The following NDST4 variants were observed in gnomAD, a reference collection of about 807,000 sequenced individuals.
NDST4 encodes N-heparan sulfate sulfotransferase 4.
A neutral mutation model predicts 100.8 loss-of-function variants in NDST4; 63 were observed. That is an observed-to-expected ratio of 0.62 (90% CI 0.51 to 0.77). The LOEUF (loss-of-function observed/expected upper bound fraction) is 0.77. NDST4 is among the 30% of genes least tolerant of loss of function. The probability of loss-of-function intolerance (pLI) is 0.00; values close to 1 mark genes in which losing one functional copy is unlikely to be tolerated. For synonymous variants in NDST4, 377 were observed against 361.8 expected, an observed-to-expected ratio of 1.04 and a Z score of -0.48; for missense variants, 943 against 1,018.4, an observed-to-expected ratio of 0.93 and a Z score of 1.01.
rs747942559 is a variant in NDST4, at chr4:115,076,903, T to A, written c.134A>T (p.Glu45Val). The change falls in exon 2 of 14, where the codon GAA becomes GTA. Residue 45 changes from glutamate to valine, a missense_variant. By Grantham distance (121) the Glu-to-Val change is moderately radical. Around this residue, in one of 2 missense-constraint regions of NDST4, gnomAD observed 417 missense variants for 384.2 expected, o/e 1.09. Transcript: ENST00000264363. ...AGTGCATTCTGCTTCTGCAGTGGTT[T>A]CAATAAGTGTCATTTCCTGTTTGTA... ...SGYKQEMTLI[E>V]TTAEAECTDI... is the part of the protein sequence containing the mutation. The A allele has an allele frequency of 6.2e-7, 1 of 1,613,678 alleles. No individual in the cohort carries two copies. The highest frequency in any genetic ancestry group is 1.3e-5 in the African/African-American group (1 of 74,940).
chr4:115,060,570 T>C (rs971923266), intron 2 of NDST4, among the ~76,000 whole-genome samples: 6 of 152,002 alleles, frequency 3.9e-5, no homozygotes, highest in African/African-American at 1.4e-4. Context: ...TAAAATAAAT[T>C]ATACTTTAAA....
intron 2 of NDST4, among the ~76,000 whole-genome samples, chr4:115,050,524 TG>T (rs1218504185): frequency 6.6e-6 from 1 of 152,108 alleles, no homozygotes; most frequent in Non-Finnish European, 1.5e-5. Context: ...ATGGTATTTA[TG>T]GGGAATTAAA....
intron 2 of NDST4, among the ~76,000 whole-genome samples, chr4:115,011,054 C>T (rs1052515368): frequency 6.6e-6 from 1 of 151,834 alleles, no homozygotes; most frequent in Non-Finnish European, 1.5e-5. Context: ...AATTGTAATG[C>T]CTTCATTTTC....
chr4:115,050,941 C>T (rs746322590), intron 2 of NDST4, among the ~76,000 whole-genome samples: 72 of 152,076 alleles, frequency 4.7e-4, no homozygotes, highest in Middle Eastern at 3.4e-3. Context: ...AGAAAATCCC[C>T]GGATTAATCA....
Position 114,909,212 on chromosome 4 carries a change from A to G in NDST4, c.1536+25994T>C, listed in dbSNP as rs542734801. 2.0e-3 allele frequency among the ~76,000 whole-genome samples: 311 copies of G among 152,330 alleles called. 2 individuals are homozygous for G. The highest frequency in any genetic ancestry group is 7.2e-3 in the African/African-American group (300 of 41,576). On this transcript the variant is annotated intron_variant, in intron 6 of 13. Transcript: ENST00000264363. The stretch of plus-strand genomic sequence containing the variant: ...TAAAGTAGAGTAAATAATGACCAAG[A>G]TAATTAAAAAGTTAATGTTTTCTCA...
At chr4:115,084,719 A>C (rs966796272) in intron 1 of NDST4, among the ~76,000 whole-genome samples, 2 of 152,204 alleles carry the variant, frequency 1.3e-5, no homozygotes, top group Admixed American at 6.5e-5. Flanking sequence ...GCCTGTTGGC[A>C]CACAGAAATC....
intron 2 of NDST4, among the ~76,000 whole-genome samples, chr4:115,062,097 T>C (rs508583): frequency 0.24 from 36,734 of 151,706 alleles, 6,002 homozygotes; most frequent in East Asian, 0.46. Context: ...TTCTGTCAAA[T>C]AGAACAATCA....
intron 1 of NDST4, among the ~76,000 whole-genome samples, chr4:115,085,435 A>T (rs954530848): frequency 6.6e-6 from 1 of 152,126 alleles, no homozygotes; most frequent in Non-Finnish European, 1.5e-5. Context: ...TGGGAGGGGC[A>T]GGGCCATAAT....
chr4:115,023,276 C>T (rs151164298), intron 2 of NDST4, among the ~76,000 whole-genome samples: 2,889 of 151,912 alleles, frequency 0.019, 96 homozygotes, highest in African/African-American at 0.065. Context: ...ACTTGAGGTC[C>T]GGAGTTCGAG....
At chr4:114,845,708 T>A in intron 10 of NDST4, 115 bp downstream of exon 10, 3 of 930,132 alleles carry the variant, frequency 3.2e-6, no homozygotes, top group Non-Finnish European at 4.7e-6. Flanking sequence ...GGTTGTGGGT[T>A]TAGATATTCT....
intron 4 of NDST4, among the ~76,000 whole-genome samples, chr4:114,959,407 A>G (rs1726210957): frequency 6.6e-6 from 1 of 151,474 alleles, no homozygotes; most frequent in Admixed American, 6.6e-5. Flanking sequence ...AAGAGGTTTA[A>G]TAGACTCACA....
chr4:114,950,922 G>A (rs986086962), intron 4 of NDST4, among the ~76,000 whole-genome samples: 15 of 151,858 alleles, frequency 9.9e-5, no homozygotes, highest in African/African-American at 3.6e-4. Flanking sequence ...TATCAACTAA[G>A]TAAGTAAAAT....
At chr4:115,012,159 A>C (rs1025085772) in intron 2 of NDST4, among the ~76,000 whole-genome samples, 4 of 152,054 alleles carry the variant, frequency 2.6e-5, no homozygotes, top group African/African-American at 9.7e-5. Flanking sequence ...AATTGATTCC[A>C]AGAATCAATG....
intron 2 of NDST4, among the ~76,000 whole-genome samples, chr4:115,013,744 T>G (rs772752065): frequency 6.6e-6 from 1 of 151,918 alleles, no homozygotes; most frequent in South Asian, 2.1e-4. Flanking sequence ...CAGCAGCTGA[T>G]AGAATCCCTA....
intron 2 of NDST4, among the ~76,000 whole-genome samples, chr4:115,052,601 G>A (rs1234475507): frequency 1.3e-5 from 2 of 151,852 alleles, no homozygotes. Flanking sequence ...AAGCTCTCTT[G>A]CCTGCCCTCC....
intron 4 of NDST4, among the ~76,000 whole-genome samples, chr4:114,962,649 A>G (rs1726289296): frequency 6.6e-6 from 1 of 152,064 alleles, no homozygotes; most frequent in Admixed American, 6.6e-5. Flanking sequence ...ATATTGTTTA[A>G]AGAAATTATA....
chr4:114,922,380 A>C (rs1725307030), intron 6 of NDST4, among the ~76,000 whole-genome samples: 1 of 152,094 alleles, frequency 6.6e-6, no homozygotes. Context: ...CACCTTCCAA[A>C]TGTCGGCCGG....
intron 2 of NDST4, among the ~76,000 whole-genome samples, chr4:115,044,131 T>C (rs1207006190): frequency 6.6e-6 from 1 of 152,150 alleles, no homozygotes; most frequent in Non-Finnish European, 1.5e-5. Context: ...GGGCAGAGAC[T>C]GAATTGAAGC....
chr4:114,987,051 G>A (rs1270124602), intron 2 of NDST4, among the ~76,000 whole-genome samples: 1 of 151,718 alleles, frequency 6.6e-6, no homozygotes, highest in Non-Finnish European at 1.5e-5. Flanking sequence ...TAATAGTGAC[G>A]TAGAACTCAA....
Sources: gnomAD v4.1 joint callset for allele counts (sites outside exome capture counted in the v4.1 genomes callset) on GRCh38, gnomAD v4.1.1 for gene constraint, gnomAD v4.1.1 regional missense constraint, MANE v1.5 for transcripts, NCBI Gene and HGNC (gene_info 2026-07-23, HGNC 2026-07-21) for gene names.